IKBKE: variants seen among roughly 807,000 people sequenced by gnomAD.
IKBKE encodes the protein inhibitor of nuclear factor kappa-B kinase subunit epsilon.
In IKBKE, 45 loss-of-function variants were observed where a neutral mutation model predicts 92.1. The ratio of observed to expected loss-of-function variants is 0.49; its 90% CI spans 0.38 to 0.63. The LOEUF (loss-of-function observed/expected upper bound fraction) is 0.63, where lower values mean the gene tolerates loss of function less well. IKBKE is among the 20% of genes least tolerant of loss of function. The probability of loss-of-function intolerance (pLI) is 0.00; values close to 1 mark genes in which losing one functional copy is unlikely to be tolerated. For missense variants in IKBKE, 700 were observed against 932.8 expected, an observed-to-expected ratio of 0.75 and a Z score of 3.25; for synonymous variants, 374 against 380.3, an observed-to-expected ratio of 0.98 and a Z score of 0.19.
rs2103473002 is a variant in IKBKE, at chr1:206,485,349, T to A, written c.1616+43T>A. ...TCTTTGTGGGGTGGGAGTGGGGGAG[T>A]GGGCAGCTCCAAAGGTCCAGTAACC... On this transcript the variant is annotated intron_variant, in intron 15 of 21. Transcript: ENST00000581977. This position sits in a 1 kb window ranked among gnomAD's most constrained non-coding sequence, Gnocchi z 5.0. The A allele has an allele frequency of 8.4e-7, 1 of 1,192,394 alleles. No homozygotes were observed. The highest frequency in any genetic ancestry group is 1.3e-6 in the Non-Finnish European group (1 of 797,952). 73.9% of individuals were successfully genotyped at this position (1,192,394 alleles called of 1,614,324 possible). A position where few individuals can be genotyped will look rare whatever the true frequency, so the allele number is the denominator to read the frequency against.
chr1:206,471,225 C>T lies in IKBKE; in HGVS notation c.-53C>T, dbSNP rs546009005. ...CGCCAGGAAGAGCCTTTGCCTGACT[C>T]AGGGCAGCTCAGAGTGTGGGGTAAG... is the stretch of plus-strand genomic sequence containing the variant. On this transcript the variant is annotated 5_prime_UTR_variant, in exon 2 of 22. Coordinates refer to ENST00000581977, the MANE Select transcript of IKBKE (RefSeq NM_014002.4). The T allele has an allele frequency of 1.3e-5, 2 of 152,238 alleles. No homozygotes were observed. Among genetic ancestry groups the T allele is most frequent in the Non-Finnish European group, 2.9e-5 (2 of 68,106 alleles). 9.4% of individuals were successfully genotyped at this position (152,238 alleles called of 1,614,324 possible).
Position 206,474,477 on chromosome 1 carries a change from T to G in IKBKE, c.228+6T>G, listed in dbSNP as rs782724057. ...TCTTTGCGGTGGAGGAGACGGTAGG[T>G]CCGGTGCTTGGTCAGAGAATGGTCT... is the stretch of plus-strand genomic sequence containing the variant. On this transcript the variant is annotated splice_donor_region_variant and intron_variant, in intron 4 of 21. Coordinates refer to ENST00000581977, the MANE Select transcript of IKBKE (RefSeq NM_014002.4). 68 of 1,611,250 alleles carry G rather than the reference T, an allele frequency of 4.2e-5. No individual in the cohort carries two copies. The highest frequency in any genetic ancestry group is 1.6e-4 in the Middle Eastern group (1 of 6,070).
intron 13 of IKBKE, 36 bp from the exon 14 acceptor site, chr1:206,484,960 GC>G (rs781843505): frequency 3.5e-5 from 56 of 1,578,346 alleles, no homozygotes; most frequent in Non-Finnish European, 4.6e-5. Flanking sequence ...CTGCTCCTAA[GC>G]CCCCAAATGT....
chr1:206,479,197 G>A, intron 10 of IKBKE, 64 bp downstream of exon 10: 1 of 1,336,248 alleles, frequency 7.5e-7, no homozygotes, highest in African/African-American at 1.5e-5. Context: ...ACAGGAGTTT[G>A]CAATCCAGGC....
rs1553390122 is a variant in IKBKE, at chr1:206,490,812, C to G, written c.1694-7C>G. 1 of 1,613,910 alleles carries G rather than the reference C, an allele frequency of 6.2e-7. No homozygotes were observed. The highest frequency in any genetic ancestry group is 8.5e-7 in the Non-Finnish European group (1 of 1,179,884). On this transcript the variant is annotated splice_region_variant and splice_polypyrimidine_tract_variant and intron_variant, in intron 16 of 21. Coordinates refer to ENST00000581977, the MANE Select transcript of IKBKE (RefSeq NM_014002.4). The surrounding 1 kb of genome is among the most constrained non-coding windows in gnomAD (Gnocchi z 5.2). ...TAGGTGACATCTGTTCTGTCTGTTT[C>G]CTCCAGGGCTTGGCTACAACGAGGA... is the stretch of plus-strand genomic sequence containing the variant.
rs372167237 is a variant in IKBKE, at chr1:206,474,512, C to A, written c.228+41C>A. 1.0e-5 allele frequency: 16 copies of A among 1,570,930 alleles called. No individual in the cohort carries two copies. The African/African-American group carries it at 2.0e-4, about 20-fold the overall frequency. ...GGTCAGAGAATGGTCTTGTCCTTGACCCTTATGGTCTGGGGAGAATCAGGC... is the reference window on the plus strand; with the variant it reads ...GGTCAGAGAATGGTCTTGTCCTTGAACCTTATGGTCTGGGGAGAATCAGGC... On this transcript the variant is annotated intron_variant, in intron 4 of 21. Transcript: ENST00000581977.
Position 206,485,175 on chromosome 1 carries a change from CT to C in IKBKE, c.1504-18del. 1.2e-6 allele frequency: 2 copies of C among 1,600,426 alleles called. No homozygotes were observed. The highest frequency in any genetic ancestry group is 1.7e-6 in the Non-Finnish European group (2 of 1,167,534). ...CCCAGGCTGAAGACCCCACGGGGGT[CT>C]GCCTTTGTGCCCCACAGCTAGCGGA... On this transcript the variant is annotated intron_variant, in intron 14 of 21. Transcript: ENST00000581977. The surrounding 1 kb of genome is among the most constrained non-coding windows in gnomAD (Gnocchi z 5.0).
At chr1:206,472,487 A>G (rs1664828141) in intron 2 of IKBKE, among the ~76,000 whole-genome samples, 1 of 151,998 alleles carries the variant, frequency 6.6e-6, no homozygotes, top group Admixed American at 6.6e-5. Context: ...GATTCTCCCA[A>G]TGGCTGAATG....
chr1:206,493,177 C>A, intron 19 of IKBKE, 58 bp downstream of exon 19: 1 of 1,552,368 alleles, frequency 6.4e-7, no homozygotes, highest in Non-Finnish European at 8.8e-7. Flanking sequence ...GCGCTTGTTA[C>A]CCATGTCTTC....
At chr1:206,492,377 C>G in intron 18 of IKBKE, 1 of 453,700 alleles carries the variant, frequency 2.2e-6, no homozygotes, top group Middle Eastern at 3.4e-4. Context: ...CATTCTGAGG[C>G]CTGTAGGACC....
At chr1:206,494,402 C>T (rs1383654718) in intron 21 of IKBKE, among the ~76,000 whole-genome samples, 3 of 152,030 alleles carry the variant, frequency 2.0e-5, no homozygotes, top group Non-Finnish European at 4.4e-5. Flanking sequence ...TGCCCAAGGC[C>T]GGTGTTTCTC....
chr1:206,490,953 C>T lies in IKBKE; in HGVS notation c.1733+95C>T. On this transcript the variant is annotated intron_variant, in intron 17 of 21. Transcript: ENST00000581977. The surrounding 1 kb of genome is among the most constrained non-coding windows in gnomAD (Gnocchi z 5.2). ...ACGCCAGAGGAGAGGCAGTGAAGGG[C>T]CCTGTCCCGGACTGCAGCTGAGCAG... 1 of 1,187,678 alleles carries T rather than the reference C, an allele frequency of 8.4e-7. No homozygotes were observed. Among genetic ancestry groups the T allele is most frequent in the Non-Finnish European group, 1.3e-6 (1 of 798,408 alleles). The allele number at this position is 1,187,678 out of a possible 1,614,324, so 73.6% of individuals were successfully genotyped here. A position where few individuals can be genotyped will look rare whatever the true frequency, so the allele number is the denominator to read the frequency against.
In IKBKE at chr1:206,474,481, G is replaced by T. The variant is rs1421176439; in HGVS notation, c.228+10G>T. The T allele has an allele frequency of 1.2e-6, 2 of 1,610,236 alleles. No individual in the cohort carries two copies. The highest frequency in any genetic ancestry group is 1.7e-6 in the Non-Finnish European group (2 of 1,177,802). ...TGCGGTGGAGGAGACGGTAGGTCCGGTGCTTGGTCAGAGAATGGTCTTGTC... is the reference window on the plus strand; with the variant it reads ...TGCGGTGGAGGAGACGGTAGGTCCGTTGCTTGGTCAGAGAATGGTCTTGTC... On this transcript the variant is annotated intron_variant, in intron 4 of 21. Coordinates refer to ENST00000581977, the MANE Select transcript of IKBKE (RefSeq NM_014002.4).
In IKBKE at chr1:206,493,033, G is replaced by A. The variant is rs1164611253; in HGVS notation, c.1846G>A (p.Glu616Lys). Residue 616 changes from glutamate (E) to lysine (K), a missense_variant, in exon 19 of 22, where the codon GAG (glutamate) becomes AAG (lysine). Glu to Lys is a moderately conservative substitution (Grantham distance 56, BLOSUM62 1). Transcript: ENST00000581977. ...THGKRMRVVH[E>K]TRNHLRLVGC... is the part of the protein sequence containing the mutation. ...GTGTGTTCTCTTGAGGGTGGTGCAC[G>A]AGACCAGGAACCACCTGCGCCTGGT... is the stretch of plus-strand genomic sequence containing the variant. 3.2e-6 allele frequency: 5 copies of A among 1,572,170 alleles called. No homozygotes were observed. The highest frequency in any genetic ancestry group is 1.2e-5 in the South Asian group (1 of 86,178).
chr1:206,474,657 C>A, intron 4 of IKBKE, 186 bp downstream of exon 4: 5 of 783,268 alleles, frequency 6.4e-6, no homozygotes, highest in Non-Finnish European at 1.0e-5. Context: ...GAACGATGGA[C>A]AGAATCAGTA....
Position 206,477,859 on chromosome 1 carries a change from T to C in IKBKE, c.812T>C (p.Leu271Pro). 1.3e-6 allele frequency: 2 copies of C among 1,536,068 alleles called. No homozygotes were observed. The highest frequency in any genetic ancestry group is 1.8e-6 in the Non-Finnish European group (2 of 1,132,694). The change falls in exon 8 of 22, where the codon CTG (leucine) becomes CCG (proline). Residue 271 changes from leucine (L) to proline (P), a missense_variant and splice_region_variant. By Grantham distance (98) the Leu-to-Pro change is moderately conservative. Transcript: ENST00000581977. ...CTCCCCATCACCTGCCAGCTGTCACTGTGAGTGGGACCCTGCTGGGGGGTG... is the reference window on the plus strand; with the variant it reads ...CTCCCCATCACCTGCCAGCTGTCACCGTGAGTGGGACCCTGCTGGGGGGTG... Reference protein sequence around the residue: ...YTLPITCQLSLGLQSQLVPIL... With the variant: ...YTLPITCQLSPGLQSQLVPIL...
In IKBKE at chr1:206,491,743, G is replaced by A. The variant is rs1196740276; in HGVS notation, c.1829G>A (p.Arg610Lys). The A allele has an allele frequency of 3.1e-6, 5 of 1,611,924 alleles. No individual in the cohort carries two copies. The highest frequency in any genetic ancestry group is 2.7e-5 in the African/African-American group (2 of 74,828). Reference sequence around the variant, plus strand: ...GCGTCCTTAGTCACACACGGCAAGAGGATGAGGTAACAGCCCCTCCTGAGC... The same window carrying A: ...GCGTCCTTAGTCACACACGGCAAGAAGATGAGGTAACAGCCCCTCCTGAGC... The part of the protein sequence containing the change: ...YQASLVTHGK[R>K]MRVVHETRNH... The change falls in exon 18 of 22, where the codon AGG becomes AAG. Residue 610 changes from arginine to lysine, a missense_variant. Physicochemically the swap from Arg to Lys is conservative, Grantham distance 26 (BLOSUM62 2). Coordinates refer to ENST00000581977, the MANE Select transcript of IKBKE (RefSeq NM_014002.4).
intron 5 of IKBKE, 184 bp downstream of exon 5, chr1:206,475,178 G>A: frequency 3.3e-6 from 2 of 607,142 alleles, no homozygotes; most frequent in Non-Finnish European, 2.8e-6. Flanking sequence ...GCCAAAAGGT[G>A]GAAACATCCT....
At position 206,485,084 on chromosome 1, in the gene IKBKE, T is replaced by C. The variant is rs1665581890; in HGVS notation, c.1503+12T>C. The C allele has an allele frequency of 6.2e-7, 1 of 1,612,678 alleles. No individual in the cohort carries two copies. The highest frequency in any genetic ancestry group is 8.5e-7 in the Non-Finnish European group (1 of 1,178,774). On this transcript the variant is annotated intron_variant, in intron 14 of 21. Transcript: ENST00000581977. The surrounding 1 kb of genome is among the most constrained non-coding windows in gnomAD (Gnocchi z 5.0). ...CCAGGCTGCGGACTGTGAGTGAGGC[T>C]GGAGGGCAAGGGCTTAGCAGGATCA...
Sources: allele counts gnomAD v4.1 joint callset (sites outside exome capture counted in the v4.1 genomes callset), GRCh38; gene constraint gnomAD v4.1.1; non-coding constraint Gnocchi (gnomAD v3.1); transcripts MANE v1.5; gene names NCBI Gene and HGNC (gene_info 2026-07-23, HGNC 2026-07-21).